The following KANK1 variants were observed in gnomAD, a reference collection of about 807,000 sequenced individuals.
The protein encoded by KANK1 is KN motif and ankyrin repeat domains 1.
Under a neutral mutation model 106.2 loss-of-function variants are expected in KANK1, and 109 were observed. That is an observed-to-expected ratio of 1.03 (90% confidence interval 0.88 to 1.20). The LOEUF is 1.20. Among genes scored for constraint, KANK1 ranks in the 50% most tolerant of loss-of-function variants. The pLI is 0.00. For synonymous variants in KANK1, 873 were observed against 652.2 expected, an observed-to-expected ratio of 1.34 and a Z score of -5.16; for missense variants, 2,399 against 1,710.7, an observed-to-expected ratio of 1.40 and a Z score of -7.10.
At chr9:623,034 A>G (rs540371523) in intron 1 of KANK1, among the ~76,000 whole-genome samples, 16 of 152,330 alleles carry the variant, frequency 1.1e-4, no homozygotes, top group Middle Eastern at 3.4e-3. Flanking sequence ...AAGCACAGGC[A>G]ACAAAAGCAA....
At chr9:521,793 C>G (rs941012082) in intron 1 of KANK1, among the ~76,000 whole-genome samples, 8 of 151,552 alleles carry the variant, frequency 5.3e-5, no homozygotes, top group African/African-American at 1.7e-4. Flanking sequence ...GTCTCGAACT[C>G]CTGACCTCAG....
At chr9:607,959 A>T (rs1354261972) in intron 1 of KANK1, among the ~76,000 whole-genome samples, 1 of 150,836 alleles carries the variant, frequency 6.6e-6, no homozygotes, top group African/African-American at 2.5e-5. Context: ...GTGTATGTGT[A>T]TAATTTATCT....
intron 1 of KANK1, among the ~76,000 whole-genome samples, chr9:532,353 T>A (rs2060099521): frequency 7.1e-6 from 1 of 141,040 alleles, no homozygotes; most frequent in South Asian, 2.4e-4. Flanking sequence ...GCGATTCTCC[T>A]GCCTCAAGCA....
intron 1 of KANK1, among the ~76,000 whole-genome samples, chr9:582,522 G>A (rs1321660280): frequency 2.6e-5 from 4 of 152,048 alleles, no homozygotes; most frequent in Admixed American, 2.6e-4. Flanking sequence ...AATCCTCAGT[G>A]GCTAGCCTAA....
intron 7 of KANK1, among the ~76,000 whole-genome samples, chr9:737,342 C>T (rs550345990): frequency 6.9e-4 from 105 of 152,326 alleles, no homozygotes; most frequent in Non-Finnish European, 2.4e-4. Context: ...ACCTTTTCTA[C>T]AGAAAGAGGA....
At chr9:495,755 C>G (rs1048367024) in intron 3 of KANK1, 1 of 152,214 alleles carries the variant, frequency 6.6e-6, no homozygotes, top group Non-Finnish European at 1.5e-5. Context: ...CAGCTTCGTT[C>G]AGAAAAACCT....
At chr9:720,032 A>G (rs934279054) in intron 3 of KANK1, among the ~76,000 whole-genome samples, 2 of 152,198 alleles carry the variant, frequency 1.3e-5, no homozygotes, top group African/African-American at 4.8e-5. Flanking sequence ...TATAAAAGCT[A>G]AGTGCACTTC....
chr9:497,428 CTT>C (rs1185444000), intron 3 of KANK1, among the ~76,000 whole-genome samples: 1 of 134,918 alleles, frequency 7.4e-6, no homozygotes, highest in Non-Finnish European at 1.5e-5. Flanking sequence ...GCATGTGACT[CTT>C]CACACACACA....
intron 1 of KANK1, among the ~76,000 whole-genome samples, chr9:608,011 G>A (rs114483204): frequency 0.037 from 4,712 of 126,688 alleles, 363 homozygotes; most frequent in African/African-American, 0.13. Context: ...AAAACTTTCA[G>A]AATTATTATT....
chr9:487,045 G>A (rs1040643260), intron 3 of KANK1, among the ~76,000 whole-genome samples: 1 of 152,102 alleles, frequency 6.6e-6, no homozygotes, highest in Non-Finnish European at 1.5e-5. Flanking sequence ...AGTAAGACCT[G>A]GAAGTTATTT....
At chr9:475,813 C>G (rs1334710615) in intron 3 of KANK1, among the ~76,000 whole-genome samples, 1 of 152,148 alleles carries the variant, frequency 6.6e-6, no homozygotes, top group Non-Finnish European at 1.5e-5. Flanking sequence ...GCGCTCCCAT[C>G]TGAAGAGATT....
intron 2 of KANK1, among the ~76,000 whole-genome samples, chr9:696,233 G>A (rs984508431): frequency 1.3e-5 from 2 of 150,982 alleles, no homozygotes; most frequent in African/African-American, 2.4e-5. Flanking sequence ...GCAGGGAGCC[G>A]AGATCACGCC....
At chr9:645,972 A>T (rs1839586568) in intron 1 of KANK1, among the ~76,000 whole-genome samples, 1 of 150,988 alleles carries the variant, frequency 6.6e-6, no homozygotes, top group Non-Finnish European at 1.5e-5. Context: ...TTGAATGCTT[A>T]CCCATTTGAC....
intron 1 of KANK1, among the ~76,000 whole-genome samples, chr9:560,049 C>T (rs778322876): frequency 1.3e-5 from 2 of 152,146 alleles, no homozygotes; most frequent in African/African-American, 2.4e-5. Flanking sequence ...GCCTTTTAAA[C>T]AGCAGATATG....
At chr9:555,589 C>G (rs1297654277) in intron 1 of KANK1, among the ~76,000 whole-genome samples, 1 of 152,184 alleles carries the variant, frequency 6.6e-6, no homozygotes, top group Non-Finnish European at 1.5e-5. Context: ...CGTTTGTCTT[C>G]TTGCAGTGAC....
chr9:484,073 C>G (rs780828314), intron 3 of KANK1, among the ~76,000 whole-genome samples: 1 of 152,224 alleles, frequency 6.6e-6, no homozygotes, highest in Non-Finnish European at 1.5e-5. Context: ...ACACCTTCAG[C>G]TTTAGAGATT....
intron 2 of KANK1, among the ~76,000 whole-genome samples, chr9:690,334 C>T (rs1161003434): frequency 4.7e-5 from 7 of 147,408 alleles, no homozygotes; most frequent in Middle Eastern, 3.6e-3. Context: ...AAAAAGGCTA[C>T]AAGAGAGAAT....
chr9:538,761 A>G (rs1490623080), intron 1 of KANK1, among the ~76,000 whole-genome samples: 8 of 152,262 alleles, frequency 5.3e-5, no homozygotes, highest in African/African-American at 1.7e-4. Context: ...ATATGGAAAT[A>G]ATGATTGTCC....
Position 711,163 on chromosome 9 carries a change from A to G in KANK1, c.397A>G (p.Thr133Ala). ...TCTGGAGACCTCACTCCCTTTTCTTACCATCCCAGAAAATCGACAGCTGCC... is the reference window on the plus strand; with the variant it reads ...TCTGGAGACCTCACTCCCTTTTCTTGCCATCCCAGAAAATCGACAGCTGCC... ...PPLETSLPFL[T>A]IPENRQLPPP... is the part of the protein sequence containing the mutation. Residue 133 changes from threonine to alanine, a missense_variant, in exon 3 of 12, where the codon ACC becomes GCC. Physicochemically the swap from Thr to Ala is moderately conservative, Grantham distance 58. Transcript: ENST00000382297. 1 of 1,614,040 alleles carries G rather than the reference A, an allele frequency of 6.2e-7. No homozygotes were observed. The highest frequency in any genetic ancestry group is 2.2e-5 in the East Asian group (1 of 44,870).
Sources: allele counts gnomAD v4.1 joint callset (sites outside exome capture counted in the v4.1 genomes callset), GRCh38; gene constraint gnomAD v4.1.1; transcripts MANE v1.5; gene names NCBI Gene and HGNC (gene_info 2026-07-23, HGNC 2026-07-21).